The following PLK4 variants were observed in gnomAD, a reference collection of about 807,000 sequenced individuals.
The protein encoded by PLK4 is polo like kinase 4.
Under a neutral mutation model 103.0 loss-of-function variants are expected in PLK4, and 51 were observed. That is an observed-to-expected ratio of 0.50 (90% CI 0.40 to 0.63). PLK4 has a LOEUF of 0.63. Among genes scored for constraint, PLK4 ranks in the 20% least tolerant of loss-of-function variants. The pLI is 0.00. For synonymous variants in PLK4, 389 were observed against 376.8 expected, an observed-to-expected ratio of 1.03 and a Z score of -0.38; for missense variants, 1,054 against 1,151.0, an observed-to-expected ratio of 0.92 and a Z score of 1.22.
In PLK4 at chr4:127,885,718, C is replaced by T. The variant is rs1386714540; in HGVS notation, c.348C>T (p.Phe116=). ...KPFSENEARH[F]MHQIITGMLY... is the part of the protein sequence containing the mutation. ...TTAAAATCCTAACAGCTCGACACTT[C>T]ATGCACCAGATCATCACAGGGATGT... The change falls in exon 5 of 16, where the codon TTC becomes TTT. Residue 116 remains phenylalanine, a synonymous_variant. Coordinates refer to ENST00000270861, the MANE Select transcript of PLK4 (RefSeq NM_014264.5). 5 of 1,607,616 alleles carry T rather than the reference C, an allele frequency of 3.1e-6. No individual in the cohort carries two copies. Among genetic ancestry groups the T allele is most frequent in the Non-Finnish European group, 3.4e-6 (4 of 1,176,822 alleles).
At chr4:127,893,937 C>G in intron 13 of PLK4, 56 bp downstream of exon 13, 1 of 945,408 alleles carries the variant, frequency 1.1e-6, no homozygotes, top group Non-Finnish European at 1.7e-6. Context: ...TGCCTGATGC[C>G]CTTCTTGTAA....
chr4:127,895,371 A>G (rs1461615893), intron 14 of PLK4, among the ~76,000 whole-genome samples: 1 of 151,208 alleles, frequency 6.6e-6, no homozygotes, highest in African/African-American at 2.4e-5. Context: ...GATAATTACT[A>G]ATTGTGAAGA....
rs749255634 is a variant in PLK4 at position 127,893,710 on chromosome 4, T to C, written c.2415-24T>C. The C allele has an allele frequency of 1.1e-5, 17 of 1,599,474 alleles. No individual in the cohort carries two copies. In the Admixed American group the frequency reaches 2.7e-4, roughly 26 times the overall value. ...CTGTAAATTGAAAGCTTCAAGGGAA[T>C]ATATTTGGACTTTTCCCCTTCAGAA... is the stretch of plus-strand genomic sequence containing the variant. On this transcript the variant is annotated intron_variant, in intron 12 of 15. Transcript: ENST00000270861.
At chr4:127,881,783 C>G (rs775541700) in intron 1 of PLK4, 48 bp from the exon 2 acceptor site, 4 of 1,119,366 alleles carry the variant, frequency 3.6e-6, no homozygotes, top group African/African-American at 1.5e-5. Flanking sequence ...TCCCATCTTC[C>G]TTTCTACTGT....
intron 10 of PLK4, 67 bp downstream of exon 10, chr4:127,892,581 G>A: frequency 2.6e-5 from 34 of 1,294,246 alleles, no homozygotes; most frequent in Non-Finnish European, 3.4e-5. Context: ...GTATATGTGG[G>A]TTTTTAAAAT....
intron 2 of PLK4, 143 bp downstream of exon 2, chr4:127,882,069 C>A: frequency 1.7e-6 from 1 of 572,928 alleles, no homozygotes. Context: ...ACAATAGTGC[C>A]AAGTCCAGCC....
chr4:127,893,915 C>T (rs1288458695), intron 13 of PLK4, 34 bp downstream of exon 13: 1 of 1,112,668 alleles, frequency 9.0e-7, no homozygotes, highest in Non-Finnish European at 1.4e-6. Context: ...GTACTTTAAA[C>T]CTTTCAATGA....
chr4:127,893,650 G>GT, intron 12 of PLK4, 46 bp downstream of exon 12: 1 of 1,581,550 alleles, frequency 6.3e-7, no homozygotes, highest in East Asian at 2.2e-5. Context: ...TGTTTTAAAA[G>GT]TTTGATGTTT....
At chr4:127,888,260 T>G (rs1735221529) in intron 6 of PLK4, among the ~76,000 whole-genome samples, 1 of 147,484 alleles carries the variant, frequency 6.8e-6, no homozygotes, top group Non-Finnish European at 1.5e-5. Context: ...ATTTGAATAT[T>G]TGCTGTAAGT....
Position 127,883,354 on chromosome 4 carries a change from G to A in PLK4, c.219G>A (p.Leu73=). ...IHCQLKHPSI[L]ELYNYFEDSN... is the part of the protein sequence containing the mutation. Reference sequence around the variant, plus strand: ...GCCAATTGAAACATCCTTCTATCTTGGAGGTAAGATATAAATTTTGTAGAA... The same window carrying A: ...GCCAATTGAAACATCCTTCTATCTTAGAGGTAAGATATAAATTTTGTAGAA... Residue 73 remains leucine (L), a synonymous_variant, in exon 3 of 16, where the codon TTG becomes TTA. Transcript: ENST00000270861. The A allele has an allele frequency of 6.4e-7, 1 of 1,566,746 alleles. No individual in the cohort carries two copies. Among genetic ancestry groups the A allele is most frequent in the South Asian group, 1.1e-5 (1 of 89,818 alleles).
Position 127,880,976 on chromosome 4 carries a change from C to T in PLK4, c.-159C>T. 1.3e-6 allele frequency: 1 copy of T among 749,346 alleles called. No homozygotes were observed. Among genetic ancestry groups the T allele is most frequent in the East Asian group, 2.7e-5 (1 of 37,310 alleles). The allele number at this position is 749,346 out of a possible 1,614,324, so 46.4% of individuals were successfully genotyped here. On this transcript the variant is annotated 5_prime_UTR_variant, in exon 1 of 16. The change creates a premature stop within an existing upstream ORF in the 5' untranslated region. Coordinates refer to ENST00000270861, the MANE Select transcript of PLK4 (RefSeq NM_014264.5). ...GCACCGCCCAGGCCTCGGAAGGTGT[C>T]AGGGAGAACTTTCCGTGGTTTCAGC...
chr4:127,881,369 A>T (rs1198641611), intron 1 of PLK4: 23 of 1,434,216 alleles, frequency 1.6e-5, no homozygotes, highest in Middle Eastern at 2.6e-4. Context: ...AAGGCGGGAC[A>T]GGTGAGTCCC....
intron 14 of PLK4, 24 bp from the exon 15 acceptor site, chr4:127,896,777 T>C (rs756378694): frequency 7.2e-7 from 1 of 1,391,368 alleles, no homozygotes; most frequent in South Asian, 1.2e-5. Context: ...TGCCTGTTCT[T>C]ACCCATGCTT....
Position 127,890,027 on chromosome 4 carries a change from A to C in PLK4, c.1621A>C (p.Asn541His). 6.2e-7 allele frequency: 1 copy of C among 1,613,996 alleles called. No homozygotes were observed. Among genetic ancestry groups the C allele is most frequent in the Non-Finnish European group, 8.5e-7 (1 of 1,179,860 alleles). The stretch of plus-strand genomic sequence containing the variant: ...TAATGCACATTCTGTAAAACAGCAA[A>C]ATACCATGAAATATATGACTGCACT... The part of the protein sequence containing the change: ...SDNAHSVKQQ[N>H]TMKYMTALHS... Residue 541 changes from asparagine (N) to histidine (H), a missense_variant, in exon 7 of 16, where the codon AAT becomes CAT. Coordinates refer to ENST00000270861, the MANE Select transcript of PLK4 (RefSeq NM_014264.5).
chr4:127,888,871 C>CT (rs1735244584), intron 6 of PLK4, among the ~76,000 whole-genome samples: 1 of 151,936 alleles, frequency 6.6e-6, no homozygotes, highest in Admixed American at 6.6e-5. Flanking sequence ...AGTCTATTCT[C>CT]TTTTTTTAAT....
chr4:127,896,621 C>T (rs926452629), intron 14 of PLK4, among the ~76,000 whole-genome samples, 180 bp from the exon 15 acceptor site: 3 of 151,728 alleles, frequency 2.0e-5, no homozygotes, highest in African/African-American at 4.8e-5. Flanking sequence ...GCTCTGCCAT[C>T]GTAGCCCCAA....
At chr4:127,890,261 A>G in intron 7 of PLK4, 25 bp downstream of exon 7, 1 of 1,536,912 alleles carries the variant, frequency 6.5e-7, no homozygotes. Context: ...TTCTTAAGTT[A>G]CTAAATAACA....
Position 127,892,381 on chromosome 4 carries a change from A to G in PLK4, c.2055A>G (p.Lys685=), listed in dbSNP as rs771101720. The G allele has an allele frequency of 1.9e-6, 3 of 1,566,604 alleles. No individual in the cohort carries two copies. Among genetic ancestry groups the G allele is most frequent in the East Asian group, 4.7e-5 (2 of 42,686 alleles). The change falls in exon 10 of 16, where the codon AAA becomes AAG. Residue 685 remains lysine (K), a synonymous_variant. Coordinates refer to ENST00000270861, the MANE Select transcript of PLK4 (RefSeq NM_014264.5). ...TTTCCTTAGAAAAATACTGGCGAAA[A>G]TATCAATATGCTTCCAGGTTTGTAC... ...FDNLPEKYWR[K]YQYASRFVQL...
Position 127,892,369 on chromosome 4 carries a change from A to C in PLK4, c.2043A>C (p.Lys681Asn). The change falls in exon 10 of 16, where the codon AAA becomes AAC. Residue 681 changes from lysine to asparagine, a missense_variant. Transcript: ENST00000270861. ...TTAAGTATTTTTTTTCCTTAGAAAA[A>C]TACTGGCGAAAATATCAATATGCTT... ...SRYSFDNLPE[K>N]YWRKYQYASR... 1 of 1,559,210 alleles carries C rather than the reference A, an allele frequency of 6.4e-7. No individual in the cohort carries two copies. Among genetic ancestry groups the C allele is most frequent in the South Asian group, 1.2e-5 (1 of 83,852 alleles).
Sources: gnomAD v4.1 joint callset for allele counts (sites outside exome capture counted in the v4.1 genomes callset) on GRCh38, gnomAD v4.1.1 for gene constraint, MANE v1.5 for transcripts, NCBI Gene and HGNC (gene_info 2026-07-23, HGNC 2026-07-21) for gene names.